CATSPERB: variants seen among roughly 807,000 people sequenced by gnomAD.
CATSPERB encodes cation channel sperm-associated auxiliary subunit beta.
Under a neutral mutation model 128.3 loss-of-function variants are expected in CATSPERB, and 93 were observed. That is an observed-to-expected ratio of 0.72 (90% CI 0.61 to 0.86). The LOEUF is 0.86. Ranked by LOEUF, CATSPERB falls within the 40% of genes least tolerant of loss-of-function variation. The probability of loss-of-function intolerance (pLI) is 0.00; values close to 1 mark genes in which losing one functional copy is unlikely to be tolerated. For missense variants in CATSPERB, 1,153 were observed against 1,329.5 expected, an observed-to-expected ratio of 0.87 and a Z score of 2.06; for synonymous variants, 381 against 448.8, an observed-to-expected ratio of 0.85 and a Z score of 1.91.
chr14:91,688,080 C>G (rs1409265641), intron 10 of CATSPERB, among the ~76,000 whole-genome samples: 1 of 152,246 alleles, frequency 6.6e-6, no homozygotes, highest in African/African-American at 2.4e-5. Context: ...GTCCTCTCCT[C>G]ATTTTCTTCC....
At chr14:91,604,952 T>C in intron 22 of CATSPERB, 1 of 1,180,136 alleles carries the variant, frequency 8.5e-7, no homozygotes, top group South Asian at 1.2e-5. Context: ...TTGCATCTGC[T>C]GGAGGCTGAA....
At chr14:91,729,526 T>G (rs1359178289) in intron 1 of CATSPERB, 47 bp from the exon 2 acceptor site, 1 of 1,053,400 alleles carries the variant, frequency 9.5e-7, no homozygotes, top group East Asian at 2.4e-5. Flanking sequence ...CTGAACATAT[T>G]TTTGAATTCC....
chr14:91,721,321 A>G lies in CATSPERB; in HGVS notation c.309+1728T>C, dbSNP rs531909462. ...GAATGAGAGAAAATATTTGCAAATCATATGTCTGATAAGAGACTTGTATCT... is the reference window on the plus strand; with the variant it reads ...GAATGAGAGAAAATATTTGCAAATCGTATGTCTGATAAGAGACTTGTATCT... On this transcript the variant is annotated intron_variant, in intron 4 of 26. Transcript: ENST00000256343. Among the ~76,000 whole-genome samples, 16 of 152,318 alleles carry G rather than the reference A, an allele frequency of 1.1e-4. No homozygotes were observed. The South Asian group carries it at 3.1e-3, about 30-fold the overall frequency.
chr14:91,599,212 G>C (rs1051572986), intron 22 of CATSPERB, among the ~76,000 whole-genome samples: 1 of 152,060 alleles, frequency 6.6e-6, no homozygotes, highest in African/African-American at 2.4e-5. Context: ...ACCCCTTCGT[G>C]GTTACCAAAA....
chr14:91,624,641 C>T (rs1423570755), intron 18 of CATSPERB, among the ~76,000 whole-genome samples, 179 bp downstream of exon 18: 1 of 81,114 alleles, frequency 1.2e-5, no homozygotes, highest in South Asian at 3.9e-4. Flanking sequence ...ACTCCATTGC[C>T]AAAAAAAAAA....
intron 17 of CATSPERB, among the ~76,000 whole-genome samples, chr14:91,625,884 G>C (rs1894150284): frequency 1.3e-5 from 2 of 152,190 alleles, no homozygotes; most frequent in South Asian, 4.1e-4. Context: ...CCAGCACTTT[G>C]GGAGCTGAGG....
intron 13 of CATSPERB, among the ~76,000 whole-genome samples, chr14:91,670,199 A>G (rs1233304776): frequency 6.6e-6 from 1 of 152,246 alleles, no homozygotes; most frequent in Non-Finnish European, 1.5e-5. Flanking sequence ...TAACTTGTTG[A>G]AAGCTCTATA....
In CATSPERB at chr14:91,621,774, C is replaced by T. The variant is rs1894049613; in HGVS notation, c.2094G>A (p.Trp698Ter). The T allele has an allele frequency of 6.2e-7, 1 of 1,614,138 alleles. No individual in the cohort carries two copies. Among genetic ancestry groups the T allele is most frequent in the Admixed American group, 1.7e-5 (1 of 60,012 alleles). ...PNNMTFLKST[W>*]FLYNFGQRNG... ...TCCTTTGCCCAAAGTTGTATAAGAA[C>T]CATGTGCTCTTTAGAAAGGTCATAT... Residue 698 changes from tryptophan to a stop codon, truncating the protein, a stop_gained, in exon 19 of 27, where the codon TGG becomes TGA. Coordinates refer to ENST00000256343, the MANE Select transcript of CATSPERB (RefSeq NM_024764.4). LOFTEE classifies it high-confidence loss of function.
intron 22 of CATSPERB, among the ~76,000 whole-genome samples, chr14:91,606,174 T>TCAAA (rs555196292): frequency 7.7e-4 from 117 of 151,902 alleles, no homozygotes; most frequent in South Asian, 3.7e-3. Flanking sequence ...AGACTCCGTC[T>TCAAA]CAAACAAACA....
At position 91,607,098 on chromosome 14, in the gene CATSPERB, G is replaced by C. The variant is rs1166901203; in HGVS notation, c.2709+1196C>G. ...GTGTGTGTGGGCGGGGGGGGGGGGG[G>C]CGGTGAATGTGTATTAATATGTTTC... On this transcript the variant is annotated intron_variant, in intron 22 of 26. Transcript: ENST00000256343. Among the ~76,000 whole-genome samples, 29 of 63,086 alleles carry C rather than the reference G, an allele frequency of 4.6e-4. No homozygotes were observed. The South Asian group carries it at 9.2e-3, about 20-fold the overall frequency. The allele number at this position is 63,086 out of a possible 152,430, so 41.4% of individuals were successfully genotyped here. A position where few individuals can be genotyped will look rare whatever the true frequency, so the allele number is the denominator to read the frequency against.
intron 7 of CATSPERB, among the ~76,000 whole-genome samples, chr14:91,703,273 G>A (rs1895680205): frequency 6.6e-6 from 1 of 151,986 alleles, no homozygotes; most frequent in African/African-American, 2.4e-5. Context: ...GTGATATAAC[G>A]AGAAATACGT....
intron 11 of CATSPERB, among the ~76,000 whole-genome samples, chr14:91,681,665 C>T (rs1189592751): frequency 6.6e-6 from 1 of 152,174 alleles, no homozygotes; most frequent in Non-Finnish European, 1.5e-5. Flanking sequence ...GGTCCTCATA[C>T]CCTAGGGGCA....
chr14:91,700,771 C>T (rs1895634690), intron 7 of CATSPERB, among the ~76,000 whole-genome samples: 1 of 152,040 alleles, frequency 6.6e-6, no homozygotes, highest in Non-Finnish European at 1.5e-5. Flanking sequence ...GTGGGAGCTA[C>T]TCACAGACCT....
intron 15 of CATSPERB, among the ~76,000 whole-genome samples, chr14:91,658,709 T>TAAAAA (rs1002412992): frequency 5.0e-5 from 1 of 20,082 alleles, no homozygotes. Flanking sequence ...AAAATATTTT[T>TAAAAA]AAAAAAAGGA....
intron 17 of CATSPERB, among the ~76,000 whole-genome samples, chr14:91,635,009 G>C (rs891259239): frequency 6.6e-6 from 1 of 152,106 alleles, no homozygotes; most frequent in African/African-American, 2.4e-5. Context: ...TATCTGGTGA[G>C]GGTCCACTTT....
intron 22 of CATSPERB, chr14:91,603,565 G>A: frequency 2.9e-6 from 2 of 682,512 alleles, no homozygotes; most frequent in South Asian, 3.5e-5. Flanking sequence ...TCTAGAGCCT[G>A]AGAAGCGCGC....
rs116434001 is a variant in CATSPERB at position 91,705,707 on chromosome 14, C to T, written c.467-1006G>A. 5.3e-3 allele frequency among the ~76,000 whole-genome samples: 802 copies of T among 152,250 alleles called. 6 individuals are homozygous for T. The highest frequency in any genetic ancestry group is 0.018 in the African/African-American group (742 of 41,544). The stretch of plus-strand genomic sequence containing the variant: ...TCCCTCTTTGGGAAGCCTTCCATGA[C>T]GCCCTAGAATGAGTGAGGCTCTCCT... On this transcript the variant is annotated intron_variant, in intron 6 of 26. Coordinates refer to ENST00000256343, the MANE Select transcript of CATSPERB (RefSeq NM_024764.4).
In CATSPERB at chr14:91,692,975, A is replaced by G; in HGVS notation, c.831+151T>C. On this transcript the variant is annotated intron_variant, in intron 9 of 26. Transcript: ENST00000256343. ...ATATTCAATACTACGAGGTAAAGGA[A>G]AAAGTTACTGTATTATGCCTTTATG... 8.3e-6 allele frequency: 5 copies of G among 600,938 alleles called. No individual in the cohort carries two copies. The South Asian group carries it at 1.2e-4, about 15-fold the overall frequency. The allele number at this position is 600,938 out of a possible 1,614,324, so 37.2% of individuals were successfully genotyped here.
rs572851119 is a variant in CATSPERB, at chr14:91,706,511, G to A, written c.466+1630C>T. Among the ~76,000 whole-genome samples the A allele has an allele frequency of 2.6e-5, 4 of 152,262 alleles. No individual in the cohort carries two copies. The South Asian group carries it at 8.3e-4, about 32-fold the overall frequency. ...TGACTGCTACTAAGAAGCTAAAAAG[G>A]GGACAGAAAAGTGACCAATATGAAG... On this transcript the variant is annotated intron_variant, in intron 6 of 26. Coordinates refer to ENST00000256343, the MANE Select transcript of CATSPERB (RefSeq NM_024764.4).
Sources: allele counts gnomAD v4.1 joint callset (sites outside exome capture counted in the v4.1 genomes callset), GRCh38; gene constraint gnomAD v4.1.1; transcripts MANE v1.5; gene names NCBI Gene and HGNC (gene_info 2026-07-23, HGNC 2026-07-21).